The following NOL4 variants were observed in gnomAD, a reference collection of about 807,000 sequenced individuals.
NOL4 encodes the protein nucleolar protein 4.
NOL4 carries 17 observed loss-of-function variants against 75.9 expected under a neutral mutation model. The observed-to-expected ratio is 0.22, with a 90% CI of 0.15 to 0.34. NOL4 has a LOEUF of 0.34. NOL4 is among the 10% of genes least tolerant of loss of function. The probability of loss-of-function intolerance (pLI) is 1.00; values close to 1 mark genes in which losing one functional copy is unlikely to be tolerated. For missense variants in NOL4, 614 were observed against 793.5 expected (o/e 0.77, Z 2.72); for synonymous variants, 292 against 289.9 (o/e 1.01, Z -0.07).
intron 1 of NOL4, among the ~76,000 whole-genome samples, chr18:34,166,101 T>C (rs898595746): frequency 6.6e-6 from 1 of 152,092 alleles, no homozygotes; most frequent in African/African-American, 2.4e-5. Context: ...ATAAACAATA[T>C]GATATTACAA....
At chr18:33,904,104 A>C (rs563631274) in intron 9 of NOL4, among the ~76,000 whole-genome samples, 2 of 152,172 alleles carry the variant, frequency 1.3e-5, no homozygotes, top group African/African-American at 4.8e-5. Context: ...TGTTACTTGA[A>C]AAAGTTATAA....
intron 5 of NOL4, among the ~76,000 whole-genome samples, chr18:34,057,255 T>A (rs555325008): frequency 9.8e-5 from 15 of 152,294 alleles, no homozygotes; most frequent in Non-Finnish European, 1.8e-4. Flanking sequence ...TTTACATATA[T>A]CCTCTCTTCC....
chr18:34,130,814 T>A (rs1000231404), intron 1 of NOL4, among the ~76,000 whole-genome samples: 1 of 151,992 alleles, frequency 6.6e-6, no homozygotes, highest in South Asian at 2.1e-4. Context: ...CAAAGTACTA[T>A]AAGAATTAAG....
At chr18:34,144,088 T>C (rs532300337) in intron 1 of NOL4, among the ~76,000 whole-genome samples, 5 of 152,224 alleles carry the variant, frequency 3.3e-5, no homozygotes, top group Admixed American at 1.3e-4. Flanking sequence ...ATAATGATAC[T>C]ATAAACCAGA....
intron 5 of NOL4, among the ~76,000 whole-genome samples, chr18:34,055,850 A>C (rs59891248): frequency 0.41 from 62,017 of 151,692 alleles, 12,851 homozygotes; most frequent in South Asian, 0.53. Flanking sequence ...GTCCTGTCTT[A>C]AAGTTCACTG....
intron 10 of NOL4, among the ~76,000 whole-genome samples, chr18:33,859,663 A>C (rs1288171342): frequency 6.6e-6 from 1 of 152,222 alleles, no homozygotes; most frequent in East Asian, 1.9e-4. Flanking sequence ...TTACGCCTAT[A>C]ATCCTAGCAC....
At chr18:34,104,826 GA>G (rs1264593648) in intron 3 of NOL4, among the ~76,000 whole-genome samples, 1 of 151,872 alleles carries the variant, frequency 6.6e-6, no homozygotes, top group Non-Finnish European at 1.5e-5. Context: ...TGATTACAGG[GA>G]AAAATGTTAT....
At chr18:34,218,735 G>A (rs1388555103) in intron 1 of NOL4, among the ~76,000 whole-genome samples, 1 of 152,194 alleles carries the variant, frequency 6.6e-6, no homozygotes, top group African/African-American at 2.4e-5. Context: ...CAACAGCAAT[G>A]TCCACTATAG....
intron 5 of NOL4, among the ~76,000 whole-genome samples, chr18:34,041,049 T>C (rs985088668): frequency 2.0e-5 from 3 of 151,984 alleles, no homozygotes; most frequent in African/African-American, 7.2e-5. Context: ...AAATTGAGTT[T>C]TCTATTGCAG....
chr18:34,222,140 G>A (rs917951219), intron 1 of NOL4: 4 of 1,528,590 alleles, frequency 2.6e-6, no homozygotes, highest in Non-Finnish European at 3.5e-6. Flanking sequence ...ACTGGCTTCT[G>A]CAGCGTGAGG....
chr18:33,924,200 G>A (rs2067197963), intron 9 of NOL4, among the ~76,000 whole-genome samples: 2 of 152,172 alleles, frequency 1.3e-5, no homozygotes, highest in South Asian at 4.1e-4. Flanking sequence ...TCAGCTCCCT[G>A]CAGCTGCGTC....
intron 6 of NOL4, among the ~76,000 whole-genome samples, chr18:33,992,232 G>A (rs2072973112): frequency 6.6e-6 from 1 of 151,880 alleles, no homozygotes; most frequent in South Asian, 2.1e-4. Flanking sequence ...TTCTTTTGTA[G>A]TCTAAATTCA....
chr18:34,052,029 A>G (rs544292097), intron 5 of NOL4, among the ~76,000 whole-genome samples: 1 of 152,172 alleles, frequency 6.6e-6, no homozygotes, highest in Admixed American at 6.6e-5. Flanking sequence ...GGCTTCACAG[A>G]GGGAGTAGTA....
intron 1 of NOL4, among the ~76,000 whole-genome samples, chr18:34,144,580 A>G (rs1568390542): frequency 6.6e-6 from 1 of 152,132 alleles, no homozygotes; most frequent in South Asian, 2.1e-4. Flanking sequence ...CAACAAAATG[A>G]TGGGTTTATT....
At chr18:34,195,157 A>G (rs1327788936) in intron 1 of NOL4, among the ~76,000 whole-genome samples, 1 of 152,228 alleles carries the variant, frequency 6.6e-6, no homozygotes, top group Non-Finnish European at 1.5e-5. Flanking sequence ...CAAATTAATG[A>G]AAAGTTTACA....
At chr18:34,055,552 A>T (rs2076799863) in intron 5 of NOL4, among the ~76,000 whole-genome samples, 1 of 152,044 alleles carries the variant, frequency 6.6e-6, no homozygotes, top group Non-Finnish European at 1.5e-5. Context: ...GACTTTCAAC[A>T]GTTTGATTGT....
At chr18:34,198,714 T>C (rs1425210658) in intron 1 of NOL4, among the ~76,000 whole-genome samples, 1 of 151,828 alleles carries the variant, frequency 6.6e-6, no homozygotes, top group African/African-American at 2.4e-5. Context: ...GATTAAATCT[T>C]GTACTTTTTT....
chr18:33,888,645 A>C (rs2064911131), intron 9 of NOL4, among the ~76,000 whole-genome samples: 1 of 152,150 alleles, frequency 6.6e-6, no homozygotes, highest in African/African-American at 2.4e-5. Flanking sequence ...GTGGCTAGAC[A>C]GTTTTCCCAG....
intron 1 of NOL4, among the ~76,000 whole-genome samples, chr18:34,171,661 A>G (rs2033053853): frequency 6.6e-6 from 1 of 152,144 alleles, no homozygotes; most frequent in Admixed American, 6.6e-5. Context: ...GAAAGTCAAC[A>G]TTCTTCTAGT....
Sources: gnomAD v4.1 joint callset for allele counts (sites outside exome capture counted in the v4.1 genomes callset) on GRCh38, gnomAD v4.1.1 for gene constraint, MANE v1.5 for transcripts, NCBI Gene and HGNC (gene_info 2026-07-23, HGNC 2026-07-21) for gene names.